The following GPR158 variants were observed in gnomAD, a reference collection of about 807,000 sequenced individuals.
GPR158 encodes the protein G protein-coupled receptor 158, also known as metabotropic glycine receptor.
GPR158 carries 30 observed loss-of-function variants against 78.2 expected under a neutral mutation model. The ratio of observed to expected loss-of-function variants is 0.38; its 90% CI spans 0.29 to 0.52. GPR158 has a LOEUF of 0.52. Among genes scored for constraint, GPR158 ranks in the 20% least tolerant of loss-of-function variants. The pLI is 0.83. For missense variants in GPR158, 1,463 were observed against 1,523.5 expected (o/e 0.96, Z 0.66); for synonymous variants, 581 against 591.1 (o/e 0.98, Z 0.25).
At chr10:25,363,771 G>A (rs760499694) in intron 2 of GPR158, among the ~76,000 whole-genome samples, 1 of 151,218 alleles carries the variant, frequency 6.6e-6, no homozygotes, top group Non-Finnish European at 1.5e-5. Context: ...AAGCACTTAG[G>A]TTCCCCCTGT....
At chr10:25,467,026 C>T (rs2130618251) in intron 5 of GPR158, among the ~76,000 whole-genome samples, 1 of 152,210 alleles carries the variant, frequency 6.6e-6, no homozygotes, top group African/African-American at 2.4e-5. Flanking sequence ...GTCCTGAGAG[C>T]ATGTGCCCAG....
chr10:25,469,096 T>A (rs183479981), intron 5 of GPR158, among the ~76,000 whole-genome samples: 58 of 152,340 alleles, frequency 3.8e-4, no homozygotes, highest in African/African-American at 1.3e-3. Context: ...CTCAGCCTGC[T>A]TTGTTGATTC....
At chr10:25,336,206 A>G (rs1855204187) in intron 2 of GPR158, among the ~76,000 whole-genome samples, 1 of 152,080 alleles carries the variant, frequency 6.6e-6, no homozygotes, top group Non-Finnish European at 1.5e-5. Flanking sequence ...TAAAAAAGAC[A>G]CAAAATATGG....
chr10:25,448,938 AAAC>A (rs1564458551), intron 4 of GPR158, among the ~76,000 whole-genome samples: 1 of 152,222 alleles, frequency 6.6e-6, no homozygotes, highest in Non-Finnish European at 1.5e-5. Flanking sequence ...ATAATGTAAA[AAAC>A]ACCTACAATT....
chr10:25,318,096 T>C (rs1445174765), intron 2 of GPR158, among the ~76,000 whole-genome samples: 3 of 152,180 alleles, frequency 2.0e-5, no homozygotes, highest in Non-Finnish European at 4.4e-5. Context: ...GTGAGATTTC[T>C]AGTTCAAGAG....
At chr10:25,397,992 G>A (rs1834389107) in intron 3 of GPR158, among the ~76,000 whole-genome samples, 2 of 152,186 alleles carry the variant, frequency 1.3e-5, no homozygotes, top group Admixed American at 1.3e-4. Context: ...CTTGAGAGCA[G>A]CCTCTAAGAA....
At chr10:25,489,097 G>A (rs1835770964) in intron 5 of GPR158, among the ~76,000 whole-genome samples, 1 of 152,036 alleles carries the variant, frequency 6.6e-6, no homozygotes, top group Non-Finnish European at 1.5e-5. Context: ...AAAACTTGTT[G>A]GCCTGAAATC....
chr10:25,267,853 G>C (rs1056658947), intron 2 of GPR158, among the ~76,000 whole-genome samples: 2 of 151,914 alleles, frequency 1.3e-5, no homozygotes, highest in African/African-American at 4.8e-5. Flanking sequence ...TAATAATATT[G>C]TTTATTAAAT....
chr10:25,482,985 A>G (rs988996065), intron 5 of GPR158, among the ~76,000 whole-genome samples: 2 of 152,108 alleles, frequency 1.3e-5, no homozygotes, highest in Non-Finnish European at 2.9e-5. Context: ...CCTTCAAAAC[A>G]TATCAATAAC....
At chr10:25,228,928 G>A (rs552226836) in intron 2 of GPR158, among the ~76,000 whole-genome samples, 77 of 151,942 alleles carry the variant, frequency 5.1e-4, no homozygotes, top group Admixed American at 1.4e-3. Flanking sequence ...CCAGCTACTC[G>A]GGAGGCTGAG....
intron 3 of GPR158, among the ~76,000 whole-genome samples, chr10:25,402,623 C>G (rs1834463118): frequency 6.6e-6 from 1 of 151,864 alleles, no homozygotes; most frequent in Admixed American, 6.6e-5. Context: ...AAACATCTAT[C>G]AAGACAATAT....
chr10:25,214,096 G>A (rs1415365379), intron 1 of GPR158, among the ~76,000 whole-genome samples: 4 of 151,944 alleles, frequency 2.6e-5, no homozygotes, highest in African/African-American at 4.8e-5. Context: ...CTGGGTTCAC[G>A]CCATTCTCCT....
chr10:25,210,457 C>T (rs1853112235), intron 1 of GPR158, among the ~76,000 whole-genome samples: 2 of 152,200 alleles, frequency 1.3e-5, no homozygotes, highest in Non-Finnish European at 1.5e-5. Flanking sequence ...ACTTTCTAGA[C>T]AGCGTGCATC....
intron 4 of GPR158, among the ~76,000 whole-genome samples, chr10:25,459,589 C>G (rs1208588956): frequency 6.6e-6 from 1 of 152,012 alleles, no homozygotes; most frequent in Non-Finnish European, 1.5e-5. Context: ...GTACTTAGTC[C>G]CCATAGAATC....
At chr10:25,178,535 A>G (rs1852571591) in intron 1 of GPR158, among the ~76,000 whole-genome samples, 1 of 152,224 alleles carries the variant, frequency 6.6e-6, no homozygotes, top group Admixed American at 6.5e-5. Context: ...GAGGGCTCAG[A>G]CACTCCCTGT....
intron 4 of GPR158, among the ~76,000 whole-genome samples, chr10:25,429,104 G>A (rs7898280): frequency 0.7 from 106,243 of 151,748 alleles, 38,189 homozygotes; most frequent in Non-Finnish European, 0.8. Flanking sequence ...TACTATATCT[G>A]TCCAAGATAT....
At chr10:25,578,204 T>C (rs1344917994) in intron 7 of GPR158, among the ~76,000 whole-genome samples, 1 of 152,204 alleles carries the variant, frequency 6.6e-6, no homozygotes, top group Non-Finnish European at 1.5e-5. Context: ...GACAAAAGAA[T>C]CTTTCCATCT....
chr10:25,230,995 T>G lies in GPR158; in HGVS notation c.1008+9838T>G, dbSNP rs1003793151. Among the ~76,000 whole-genome samples, 6 of 152,338 alleles carry G rather than the reference T, an allele frequency of 3.9e-5. No homozygotes were observed. The Middle Eastern group carries it at 0.014, about 345-fold the overall frequency. ...TGTTAAGATTTTATACCTAGTATAC[T>G]CTAAAGGGAACCACTAAAAGATGTT... is the stretch of plus-strand genomic sequence containing the variant. On this transcript the variant is annotated intron_variant, in intron 2 of 10. Transcript: ENST00000376351.
intron 2 of GPR158, among the ~76,000 whole-genome samples, chr10:25,356,356 C>T (rs1245377743): frequency 6.6e-6 from 1 of 151,914 alleles, no homozygotes; most frequent in Non-Finnish European, 1.5e-5. Context: ...TAGCTTGTTT[C>T]TACACTGCCA....
Sources: gnomAD v4.1 joint callset for allele counts (sites outside exome capture counted in the v4.1 genomes callset) on GRCh38, gnomAD v4.1.1 for gene constraint, MANE v1.5 for transcripts, NCBI Gene and HGNC (gene_info 2026-07-23, HGNC 2026-07-21) for gene names.